The following LDLRAD4 variants were observed in gnomAD, a reference collection of about 807,000 sequenced individuals.
LDLRAD4 encodes the protein low density lipoprotein receptor class A domain containing 4, also known as low-density lipoprotein receptor class A domain-containing protein 4.
Under a neutral mutation model 17.0 loss-of-function variants are expected in LDLRAD4, and 5 were observed. That is an observed-to-expected ratio of 0.29 (90% confidence interval 0.15 to 0.62). LDLRAD4 has a LOEUF of 0.62. LDLRAD4 is among the 20% of genes least tolerant of loss of function. The probability of loss-of-function intolerance (pLI) is 0.84; values close to 1 mark genes in which losing one functional copy is unlikely to be tolerated. For synonymous variants in LDLRAD4, 168 were observed against 171.8 expected (o/e 0.98, Z 0.17); for missense variants, 340 against 424.7 (o/e 0.80, Z 1.75).
Position 13,367,119 on chromosome 18 carries a change from C to T in LDLRAD4, c.-382-20222C>T, listed in dbSNP as rs1032927586. On this transcript the variant is annotated intron_variant, in intron 1 of 5. Transcript: ENST00000359446. The surrounding 1 kb of genome is among the most constrained non-coding windows in gnomAD (Gnocchi z 4.1). Reference sequence around the variant, plus strand: ...ACAGCGAGATGCAAACTGGGTGTCACACAGAACAGTCCTGTTGCTGTCCAC... The same window carrying T: ...ACAGCGAGATGCAAACTGGGTGTCATACAGAACAGTCCTGTTGCTGTCCAC... Among the ~76,000 whole-genome samples, 5 of 152,192 alleles carry T rather than the reference C, an allele frequency of 3.3e-5. No individual in the cohort carries two copies. Among genetic ancestry groups the T allele is most frequent in the Non-Finnish European group, 5.9e-5 (4 of 68,032 alleles).
chr18:13,645,810 G>A lies in LDLRAD4; in HGVS notation c.*153G>A, dbSNP rs1332231902. 2.0e-6 allele frequency: 1 copy of A among 507,964 alleles called. No individual in the cohort carries two copies. Among genetic ancestry groups the A allele is most frequent in the Non-Finnish European group, 3.3e-6 (1 of 305,596 alleles). 31.5% of individuals were successfully genotyped at this position (507,964 alleles called of 1,614,324 possible). A position where few individuals can be genotyped will look rare whatever the true frequency, so the allele number is the denominator to read the frequency against. ...GTCTTTGTTTCTGATTCCTTTTAGG[G>A]GAATTGCATGCAAACTAGACTGAAA... On this transcript the variant is annotated 3_prime_UTR_variant, in exon 6 of 6. Transcript: ENST00000359446. This position sits in a 1 kb window ranked among gnomAD's most constrained non-coding sequence, Gnocchi z 5.7.
At chr18:13,433,697 CAT>C (rs1040333496) in intron 2 of LDLRAD4, among the ~76,000 whole-genome samples, 16 of 149,416 alleles carry the variant, frequency 1.1e-4, no homozygotes, top group South Asian at 1.1e-3. Flanking sequence ...TTTTTTTTAA[CAT>C]AGCCTTTTTG....
At chr18:13,302,685 C>G (rs1237762936) in intron 1 of LDLRAD4, among the ~76,000 whole-genome samples, 1 of 152,164 alleles carries the variant, frequency 6.6e-6, no homozygotes, top group Admixed American at 6.5e-5. Context: ...CTTGCTAGCT[C>G]TGCAACTACA....
At chr18:13,343,289 G>A (rs560399228) in intron 1 of LDLRAD4, among the ~76,000 whole-genome samples, 1 of 131,772 alleles carries the variant, frequency 7.6e-6, no homozygotes, top group Admixed American at 9.3e-5. Flanking sequence ...GTGTCCATGT[G>A]TTCTCATTGT....
At chr18:13,604,059 C>T (rs758049969) in intron 3 of LDLRAD4, among the ~76,000 whole-genome samples, 9 of 152,206 alleles carry the variant, frequency 5.9e-5, no homozygotes, top group Non-Finnish European at 1.0e-4. Flanking sequence ...AAGATGAAAA[C>T]GGAGTATAGT....
chr18:13,528,639 T>C (rs2094075158), intron 3 of LDLRAD4, among the ~76,000 whole-genome samples: 1 of 152,240 alleles, frequency 6.6e-6, no homozygotes, highest in Non-Finnish European at 1.5e-5. Flanking sequence ...TATTATCATC[T>C]GTTTTCAACC....
intron 3 of LDLRAD4, among the ~76,000 whole-genome samples, chr18:13,555,467 G>C (rs956908): frequency 0.56 from 85,208 of 151,952 alleles, 24,068 homozygotes; most frequent in Admixed American, 0.58. Context: ...GATTCAGCTG[G>C]TTTACTTTTG....
chr18:13,301,802 C>T (rs891285689), intron 1 of LDLRAD4, among the ~76,000 whole-genome samples: 4 of 152,200 alleles, frequency 2.6e-5, no homozygotes, highest in South Asian at 2.1e-4. Flanking sequence ...AGGGACCAGG[C>T]GTCCTCTGTC....
At chr18:13,325,625 G>A (rs1292160627) in intron 1 of LDLRAD4, among the ~76,000 whole-genome samples, 1 of 152,222 alleles carries the variant, frequency 6.6e-6, no homozygotes, top group Non-Finnish European at 1.5e-5. Context: ...GGGCAACGCT[G>A]AAGGCCCTTT....
chr18:13,355,471 A>G (rs1485753464), intron 1 of LDLRAD4, among the ~76,000 whole-genome samples: 1 of 152,208 alleles, frequency 6.6e-6, no homozygotes, highest in Non-Finnish European at 1.5e-5. Context: ...CATTCACATA[A>G]AGTAATGAAA....
At chr18:13,577,424 T>A (rs954994339) in intron 3 of LDLRAD4, among the ~76,000 whole-genome samples, 2 of 152,162 alleles carry the variant, frequency 1.3e-5, no homozygotes, top group African/African-American at 4.8e-5. Flanking sequence ...AACATGCCTT[T>A]GCTCAGCCGA....
intron 3 of LDLRAD4, among the ~76,000 whole-genome samples, chr18:13,608,870 A>G (rs890263197): frequency 1.3e-5 from 2 of 152,216 alleles, no homozygotes; most frequent in African/African-American, 2.4e-5. Context: ...GAAGACCTTT[A>G]TAGAGGAAAC....
intron 3 of LDLRAD4, among the ~76,000 whole-genome samples, chr18:13,447,959 C>G (rs1473145444): frequency 6.6e-6 from 1 of 152,138 alleles, no homozygotes; most frequent in Non-Finnish European, 1.5e-5. Context: ...TCAACGTGAT[C>G]CTGCTTCCTG....
At chr18:13,390,335 G>A (rs2086172687) in intron 2 of LDLRAD4, among the ~76,000 whole-genome samples, 1 of 152,210 alleles carries the variant, frequency 6.6e-6, no homozygotes, top group South Asian at 2.1e-4. Context: ...TTTGCCAGGT[G>A]TCACACCAAC....
In LDLRAD4 at chr18:13,315,269, A is replaced by G. The variant is rs557408586; in HGVS notation, c.-383+37081A>G. On this transcript the variant is annotated intron_variant, in intron 1 of 5. Coordinates refer to ENST00000359446, the Ensembl canonical transcript of LDLRAD4. ...AGTCAGCGCTCTCTGAAGGATGATA[A>G]CATTGGCCAGGGCCTCCAGTTCTCC... 2.6e-5 allele frequency among the ~76,000 whole-genome samples: 4 copies of G among 152,330 alleles called. No individual in the cohort carries two copies. The East Asian group carries it at 7.7e-4, about 29-fold the overall frequency.
At chr18:13,332,751 T>G (rs572756875) in intron 1 of LDLRAD4, among the ~76,000 whole-genome samples, 4 of 152,176 alleles carry the variant, frequency 2.6e-5, no homozygotes, top group East Asian at 1.9e-4. Context: ...TTTGTTTTTT[T>G]TTTTTGGTGG....
intron 1 of LDLRAD4, among the ~76,000 whole-genome samples, chr18:13,223,937 G>T (rs1272846574): frequency 6.6e-6 from 1 of 152,208 alleles, no homozygotes; most frequent in Non-Finnish European, 1.5e-5. Context: ...AATGAGGTGG[G>T]ACCTGGGTCA....
intron 3 of LDLRAD4, among the ~76,000 whole-genome samples, chr18:13,584,871 C>T (rs757710410): frequency 4.6e-5 from 7 of 152,232 alleles, no homozygotes; most frequent in African/African-American, 9.7e-5. Context: ...TAAACTTCCT[C>T]TTGTCCAGGC....
intron 1 of LDLRAD4, chr18:13,240,490 C>T (rs747083357): frequency 1.3e-5 from 2 of 152,266 alleles, no homozygotes; most frequent in Admixed American, 6.5e-5. Flanking sequence ...TGAGGTGCTC[C>T]AAGACAGCGT....
Sources: gnomAD v4.1 joint callset for allele counts (sites outside exome capture counted in the v4.1 genomes callset) on GRCh38, gnomAD v4.1.1 for gene constraint, Gnocchi (gnomAD v3.1) non-coding constraint, MANE v1.5 for transcripts, NCBI Gene and HGNC (gene_info 2026-07-23, HGNC 2026-07-21) for gene names.